CPS1: variants seen among roughly 807,000 people sequenced by gnomAD.
The protein encoded by CPS1 is carbamoyl-phosphate synthase 1, also known as carbamoyl-phosphate synthase [ammonia], mitochondrial.
In CPS1, 109 loss-of-function variants were observed where a neutral mutation model predicts 174.6. The ratio of observed to expected loss-of-function variants is 0.62; its 90% CI spans 0.53 to 0.73. CPS1 has a LOEUF of 0.73. CPS1 is among the 30% of genes least tolerant of loss of function. The pLI is 0.00. For missense variants in CPS1, 1,689 were observed against 1,821.9 expected (o/e 0.93, Z 1.33); for synonymous variants, 637 against 632.0 (o/e 1.01, Z -0.12).
chr2:210,605,034 T>G, intron 16 of CPS1, 68 bp from the exon 17 acceptor site: 1 of 1,564,282 alleles, frequency 6.4e-7, no homozygotes, highest in Non-Finnish European at 8.8e-7. Context: ...CAGGGTATTT[T>G]GCCAAATATC....
intron 6 of CPS1, among the ~76,000 whole-genome samples, chr2:210,586,126 C>T (rs10211372): frequency 0.12 from 18,879 of 151,612 alleles, 1,293 homozygotes; most frequent in South Asian, 0.21. Flanking sequence ...TCTGGTATTC[C>T]GGCTCCTGTC....
rs1465547850 is a variant in CPS1 at position 210,642,335 on chromosome 2, T to C, written c.2960-149T>C. On this transcript the variant is annotated intron_variant, in intron 24 of 37. Transcript: ENST00000233072. ...CTACTAATACAGTATGCATCATGGG[T>C]TTGAAATTTATATCTTGGAGTTTAA... 5 of 900,786 alleles carry C rather than the reference T, an allele frequency of 5.6e-6. No homozygotes were observed. The East Asian group carries it at 1.3e-4, about 23-fold the overall frequency. 55.8% of individuals were successfully genotyped at this position (900,786 alleles called of 1,614,324 possible).
chr2:210,502,033 G>A (rs2105963653), intron 1 of CPS1, among the ~76,000 whole-genome samples: 1 of 152,214 alleles, frequency 6.6e-6, no homozygotes, highest in East Asian at 1.9e-4. Context: ...TCACAGGGTG[G>A]CAGGAGAGAA....
chr2:210,627,893 C>T (rs1386895809), intron 21 of CPS1, among the ~76,000 whole-genome samples: 2 of 152,104 alleles, frequency 1.3e-5, no homozygotes, highest in Non-Finnish European at 2.9e-5. Flanking sequence ...CTTTCCCTTC[C>T]TCCTTTTCCT....
chr2:210,509,013 C>A (rs1418089160), intron 1 of CPS1, among the ~76,000 whole-genome samples: 1 of 152,126 alleles, frequency 6.6e-6, no homozygotes, highest in Non-Finnish European at 1.5e-5. Context: ...AGAGGGAATC[C>A]TCCCTAACTC....
rs2105948111 is a variant in CPS1, at chr2:210,678,703, C to A, written c.*718C>A. 1 of 153,084 alleles carries A rather than the reference C, an allele frequency of 6.5e-6. No individual in the cohort carries two copies. Among genetic ancestry groups the A allele is most frequent in the East Asian group, 1.9e-4 (1 of 5,200 alleles). The allele number at this position is 153,084 out of a possible 1,614,324, so 9.5% of individuals were successfully genotyped here. A position where few individuals can be genotyped will look rare whatever the true frequency, so the allele number is the denominator to read the frequency against. ...CGTCTCCCAAGTTCAAGCGATTCTCCTGCTTTAGACTATGGATTTCTTTAA... is the reference window on the plus strand; with the variant it reads ...CGTCTCCCAAGTTCAAGCGATTCTCATGCTTTAGACTATGGATTTCTTTAA... On this transcript the variant is annotated 3_prime_UTR_variant, in exon 38 of 38. Transcript: ENST00000233072.
At chr2:210,642,766 C>A in intron 25 of CPS1, 101 bp downstream of exon 25, 1 of 1,117,490 alleles carries the variant, frequency 8.9e-7, no homozygotes, top group Non-Finnish European at 1.3e-6. Flanking sequence ...TATAGTAATT[C>A]CTCTTAGAAG....
chr2:210,645,053 C>T lies in CPS1; in HGVS notation c.3141+2388C>T, dbSNP rs1468678834. Among the ~76,000 whole-genome samples the T allele has an allele frequency of 2.6e-5, 4 of 152,260 alleles. No individual in the cohort carries two copies. The East Asian group carries it at 7.7e-4, about 29-fold the overall frequency. On this transcript the variant is annotated intron_variant, in intron 25 of 37. Coordinates refer to ENST00000233072, the MANE Select transcript of CPS1 (RefSeq NM_001875.5). ...GATGATGATTTACCTGTGTGGGTTA[C>T]CAGGTTCTCATCCCTTTGTTCCTAC...
chr2:210,590,931 C>T (rs920214738), intron 9 of CPS1, 25 bp downstream of exon 9: 4 of 1,570,032 alleles, frequency 2.5e-6, no homozygotes, highest in African/African-American at 1.4e-5. Context: ...CTTTTGCTTA[C>T]AGTAAACCAG....
chr2:210,554,836 TACACAC>T (rs3060397), upstream of CPS1, among the ~76,000 whole-genome samples: 5 of 147,848 alleles, frequency 3.4e-5, no homozygotes, highest in East Asian at 2.0e-4. Flanking sequence ...CAACCCTCAC[TACACAC>T]ACACACACAC....
chr2:210,579,711 T>A lies in CPS1; in HGVS notation c.472-3T>A. ...CACTGTCACTACAATTTTTTTCTTA[T>A]AGGTTCCTGCAATTTATGGAGTGGA... On this transcript the variant is annotated splice_region_variant and splice_polypyrimidine_tract_variant and intron_variant, in intron 4 of 37. Transcript: ENST00000233072. The A allele has an allele frequency of 1.9e-6, 3 of 1,612,180 alleles. No individual in the cohort carries two copies. The highest frequency in any genetic ancestry group is 2.5e-6 in the Non-Finnish European group (3 of 1,178,640).
At chr2:210,545,121 C>T (rs1574508546) in intron 1 of CPS1, among the ~76,000 whole-genome samples, 2 of 151,976 alleles carry the variant, frequency 1.3e-5, no homozygotes, top group East Asian at 3.9e-4. Context: ...GTTTTTCAAG[C>T]CTGAAGAAAA....
intron 17 of CPS1, among the ~76,000 whole-genome samples, chr2:210,606,385 G>T (rs1032484569): frequency 6.6e-6 from 1 of 151,878 alleles, no homozygotes; most frequent in African/African-American, 2.4e-5. Flanking sequence ...CAGAAAGCCA[G>T]CTGATGAGCC....
At chr2:210,477,874 T>C in intron 1 of CPS1, 1 of 1,279,688 alleles carries the variant, frequency 7.8e-7, no homozygotes, top group Non-Finnish European at 1.1e-6. Flanking sequence ...TTATTTTTTC[T>C]TTAATGATTA....
intron 1 of CPS1, among the ~76,000 whole-genome samples, chr2:210,502,414 A>T (rs574419631): frequency 2.1e-5 from 3 of 146,298 alleles, no homozygotes; most frequent in South Asian, 4.2e-4. Context: ...ATATATATAT[A>T]ATATATATAT....
chr2:210,650,512 G>A lies in CPS1; in HGVS notation c.3480+74G>A, dbSNP rs1206735788. ...AGTGACATTTATCTCTTAATAAAATGTAGTGACATTTATCTCTTAATGCAA... is the reference window on the plus strand; with the variant it reads ...AGTGACATTTATCTCTTAATAAAATATAGTGACATTTATCTCTTAATGCAA... On this transcript the variant is annotated intron_variant, in intron 28 of 37. Transcript: ENST00000233072. 2.8e-6 allele frequency: 3 copies of A among 1,077,700 alleles called. No individual in the cohort carries two copies. In the Admixed American group the frequency reaches 5.1e-5, roughly 18 times the overall value. 66.8% of individuals were successfully genotyped at this position (1,077,700 alleles called of 1,614,324 possible). A position where few individuals can be genotyped will look rare whatever the true frequency, so the allele number is the denominator to read the frequency against.
rs1363511909 is a variant in CPS1 at position 210,606,168 on chromosome 2, A to C, written c.1982-563A>C. 4.6e-5 allele frequency among the ~76,000 whole-genome samples: 7 copies of C among 151,926 alleles called. 1 individual carries two copies. The East Asian group carries it at 1.4e-3, about 30-fold the overall frequency. On this transcript the variant is annotated intron_variant, in intron 17 of 37. Transcript: ENST00000233072. ...TATTAAAAGGAATTACATGGTATCA[A>C]GTGGTAAGCAGAATTGGCAAACTTT...
intron 1 of CPS1, among the ~76,000 whole-genome samples, chr2:210,491,962 T>C (rs946978462): frequency 2.0e-5 from 3 of 152,072 alleles, no homozygotes; most frequent in African/African-American, 7.2e-5. Flanking sequence ...AGAGTGCTTA[T>C]GAGCCACTGA....
chr2:210,536,527 C>T (rs1317209121), intron 1 of CPS1, among the ~76,000 whole-genome samples: 1 of 152,000 alleles, frequency 6.6e-6, no homozygotes, highest in African/African-American at 2.4e-5. Flanking sequence ...AGGGTTTCAC[C>T]GTGTTAGCCA....
Sources: allele counts gnomAD v4.1 joint callset (sites outside exome capture counted in the v4.1 genomes callset), GRCh38; gene constraint gnomAD v4.1.1; transcripts MANE v1.5; gene names NCBI Gene and HGNC (gene_info 2026-07-23, HGNC 2026-07-21).